The following GAB2 variants were observed in gnomAD, a reference collection of about 807,000 sequenced individuals.
The protein encoded by GAB2 is GRB2-associated-binding protein 2.
In GAB2, 26 loss-of-function variants were observed where a neutral mutation model predicts 65.5. The ratio of observed to expected loss-of-function variants is 0.40; its 90% CI spans 0.29 to 0.55. GAB2 has a LOEUF of 0.55. Among genes scored for constraint, GAB2 ranks in the 20% least tolerant of loss-of-function variants. GAB2 has a pLI of 0.53. For missense variants in GAB2, 884 were observed against 875.8 expected, an observed-to-expected ratio of 1.01 and a Z score of -0.12; for synonymous variants, 321 against 329.6, an observed-to-expected ratio of 0.97 and a Z score of 0.28.
chr11:78,226,362 C>T (rs989966292), intron 4 of GAB2, 103 bp downstream of exon 4: 9 of 909,526 alleles, frequency 9.9e-6, no homozygotes, highest in African/African-American at 3.2e-5. Context: ...CTAGGTGGTT[C>T]GTAAGTTCCC....
chr11:78,363,979 G>C (rs1856467073), intron 1 of GAB2: 1 of 152,072 alleles, frequency 6.6e-6, no homozygotes, highest in Non-Finnish European at 1.5e-5. Flanking sequence ...TAAGGGAAAG[G>C]TTCTCACCCA....
At chr11:78,271,994 G>C (rs1222116781) in intron 2 of GAB2, among the ~76,000 whole-genome samples, 2 of 152,196 alleles carry the variant, frequency 1.3e-5, no homozygotes, top group African/African-American at 4.8e-5. Context: ...TCTCTCTCTT[G>C]GCCTGCTGCC....
In GAB2 at chr11:78,416,136, GA is replaced by G. The variant is rs146468362; in HGVS notation, c.75+1509del. Among the ~76,000 whole-genome samples the G allele has an allele frequency of 3.3e-4, 50 of 151,710 alleles. No homozygotes were observed. The East Asian group carries it at 9.7e-3, about 29-fold the overall frequency. On this transcript the variant is annotated intron_variant, in intron 1 of 9. Coordinates refer to ENST00000361507, the MANE Select transcript of GAB2 (RefSeq NM_080491.3). The stretch of plus-strand genomic sequence containing the variant: ...AACGAACTGATACAACCCTGAAGAG[GA>G]AAAAAGTTTATTTCTTAATAATTAT...
At chr11:78,242,393 A>T (rs538168257) in intron 3 of GAB2, among the ~76,000 whole-genome samples, 1 of 152,056 alleles carries the variant, frequency 6.6e-6, no homozygotes, top group Non-Finnish European at 1.5e-5. Flanking sequence ...TCCCAGCTAC[A>T]CAGGAGGTTG....
chr11:78,374,233 CTG>C (rs943268011), intron 1 of GAB2, among the ~76,000 whole-genome samples: 5 of 152,306 alleles, frequency 3.3e-5, no homozygotes, highest in Admixed American at 3.3e-4. Flanking sequence ...CAGTTGACTA[CTG>C]TGTGTGTCTC....
At chr11:78,376,169 T>A (rs755640151) in intron 1 of GAB2, among the ~76,000 whole-genome samples, 8 of 152,212 alleles carry the variant, frequency 5.3e-5, no homozygotes, top group Admixed American at 2.0e-4. Flanking sequence ...TAGTTTATTT[T>A]TGCCTTAGAT....
intron 1 of GAB2, among the ~76,000 whole-genome samples, chr11:78,308,112 G>A (rs1264402086): frequency 6.6e-6 from 1 of 152,006 alleles, no homozygotes; most frequent in Non-Finnish European, 1.5e-5. Flanking sequence ...CAGATGCTTG[G>A]GCCTATAACA....
chr11:78,310,965 A>G lies in GAB2; in HGVS notation c.76-30064T>C, dbSNP rs116266860. Among the ~76,000 whole-genome samples the G allele has an allele frequency of 6.5e-3, 987 of 152,336 alleles. 14 individuals carry two copies. Among genetic ancestry groups the G allele is most frequent in the African/African-American group, 0.022 (909 of 41,568 alleles). ...TACTAAAGGTTTTTTCTTTCACTACAATGATTTTGTATGAAATTCTGCCAC... is the reference window on the plus strand; with the variant it reads ...TACTAAAGGTTTTTTCTTTCACTACGATGATTTTGTATGAAATTCTGCCAC... On this transcript the variant is annotated intron_variant, in intron 1 of 9. Transcript: ENST00000361507.
intron 2 of GAB2, 140 bp from the exon 3 acceptor site, chr11:78,250,540 C>T: frequency 1.4e-6 from 1 of 716,198 alleles, no homozygotes; most frequent in Non-Finnish European, 2.4e-6. Flanking sequence ...CATATACCTG[C>T]CCCTTGCTGC....
chr11:78,222,337 G>A (rs1479697549), intron 6 of GAB2, 142 bp from the exon 7 acceptor site: 1 of 633,844 alleles, frequency 1.6e-6, no homozygotes, highest in African/African-American at 1.8e-5. Flanking sequence ...GCTCAGCGAG[G>A]TTGTATAATC....
At chr11:78,291,737 A>G (rs573804469) in intron 1 of GAB2, among the ~76,000 whole-genome samples, 3 of 144,692 alleles carry the variant, frequency 2.1e-5, no homozygotes, top group African/African-American at 7.6e-5. Context: ...TACCCAGTTA[A>G]TTTTTTTTTT....
At chr11:78,412,484 A>G (rs1292676760) in intron 1 of GAB2, among the ~76,000 whole-genome samples, 2 of 152,214 alleles carry the variant, frequency 1.3e-5, no homozygotes, top group Admixed American at 6.5e-5. Context: ...TAGTTGTCAC[A>G]GATTAAGGAT....
intron 2 of GAB2, among the ~76,000 whole-genome samples, chr11:78,255,660 G>A (rs1340877033): frequency 1.3e-5 from 2 of 152,148 alleles, no homozygotes; most frequent in African/African-American, 4.8e-5. Context: ...GCCAACTTGG[G>A]TTTGGTGCTG....
chr11:78,221,992 T>A, intron 7 of GAB2, 113 bp downstream of exon 7: 2 of 770,558 alleles, frequency 2.6e-6, no homozygotes, highest in Non-Finnish European at 4.7e-6. Flanking sequence ...GATCAGCTAA[T>A]GATAGCGTTA....
intron 3 of GAB2, among the ~76,000 whole-genome samples, chr11:78,227,905 GA>G (rs1864729811): frequency 6.6e-6 from 1 of 152,162 alleles, no homozygotes; most frequent in East Asian, 1.9e-4. Context: ...ATTTTGAGGG[GA>G]AAGATCTCTT....
chr11:78,297,050 C>G (rs1028125591), intron 1 of GAB2, among the ~76,000 whole-genome samples: 3 of 152,164 alleles, frequency 2.0e-5, no homozygotes, highest in African/African-American at 7.2e-5. Flanking sequence ...TCAACATACA[C>G]GTTTTGGAGG....
At chr11:78,402,727 A>G (rs1856990511) in intron 1 of GAB2, among the ~76,000 whole-genome samples, 2 of 152,298 alleles carry the variant, frequency 1.3e-5, no homozygotes, top group South Asian at 2.1e-4. Flanking sequence ...CTGGGATTAC[A>G]GACATGAGCC....
chr11:78,258,216 G>A (rs1865644906), intron 2 of GAB2, among the ~76,000 whole-genome samples: 1 of 152,212 alleles, frequency 6.6e-6, no homozygotes, highest in South Asian at 2.1e-4. Context: ...CATATTTACA[G>A]AGATTCAGAT....
intron 3 of GAB2, among the ~76,000 whole-genome samples, chr11:78,230,411 C>A (rs1864806911): frequency 6.6e-6 from 1 of 152,254 alleles, no homozygotes; most frequent in Admixed American, 6.5e-5. Context: ...ACACCTTACA[C>A]AAAGTCCACA....
Sources: allele counts gnomAD v4.1 joint callset (sites outside exome capture counted in the v4.1 genomes callset), GRCh38; gene constraint gnomAD v4.1.1; transcripts MANE v1.5; gene names NCBI Gene and HGNC (gene_info 2026-07-23, HGNC 2026-07-21).